TMPRSS7: variants seen among roughly 807,000 people sequenced by gnomAD.
TMPRSS7 encodes transmembrane serine protease 7.
In TMPRSS7, 81 loss-of-function variants were observed where a neutral mutation model predicts 95.6. The observed-to-expected ratio is 0.85, with a 90% CI of 0.71 to 1.02. TMPRSS7 has a LOEUF of 1.02. Ranked by LOEUF, TMPRSS7 falls within the 50% of genes least tolerant of loss-of-function variation. The probability of loss-of-function intolerance (pLI) is 0.00; values close to 1 mark genes in which losing one functional copy is unlikely to be tolerated. For synonymous variants in TMPRSS7, 364 were observed against 337.8 expected (o/e 1.08, Z -0.85); for missense variants, 945 against 955.2 (o/e 0.99, Z 0.14).
In TMPRSS7 at chr3:112,047,914, C is replaced by T. The variant is rs926039620; in HGVS notation, c.906C>T (p.Asp302=). The T allele has an allele frequency of 8.7e-6, 14 of 1,614,022 alleles. 1 individual carries two copies. The Admixed American group carries it at 1.7e-4, about 19-fold the overall frequency. The change falls in exon 7 of 18, where the codon GAC becomes GAT. Residue 302 remains aspartate, a synonymous_variant. Transcript: ENST00000452346. The stretch of plus-strand genomic sequence containing the variant: ...TCGAAGCCGACAACTGTGTCACTGA[C>T]TCCCTGACCATTTACGACTCCCTTT...
chr3:112,038,303 C>A, exon 2 of TMPRSS7: 1 of 702,438 alleles, frequency 1.4e-6, no homozygotes, highest in Non-Finnish European at 2.6e-6. Flanking sequence ...AGCCTGGACA[C>A]TTCTGTGGCT....
At chr3:112,045,719 G>A (rs1161890596) in intron 4 of TMPRSS7, 31 bp from the exon 5 acceptor site, 9 of 1,523,536 alleles carry the variant, frequency 5.9e-6, no homozygotes, top group Middle Eastern at 1.7e-4. Flanking sequence ...GTCCTATGAG[G>A]TCCCTGATGA....
Position 112,052,087 on chromosome 3 carries a change from G to T in TMPRSS7, c.1203+1304G>T, listed in dbSNP as rs571903683. On this transcript the variant is annotated intron_variant, in intron 9 of 17. Coordinates refer to ENST00000452346, the Ensembl canonical transcript of TMPRSS7. ...AGTAATAAACAAACAAGTTAAATACGCGTAATATGTCTCGTAATGATAAAA... is the reference window on the plus strand; with the variant it reads ...AGTAATAAACAAACAAGTTAAATACTCGTAATATGTCTCGTAATGATAAAA... 3.3e-5 allele frequency among the ~76,000 whole-genome samples: 5 copies of T among 151,956 alleles called. No homozygotes were observed. The East Asian group carries it at 5.8e-4, about 18-fold the overall frequency.
At chr3:112,037,948 T>C in intron 1 of TMPRSS7, 124 bp from the exon 2 acceptor site, 1 of 607,768 alleles carries the variant, frequency 1.6e-6, no homozygotes, top group Non-Finnish European at 2.9e-6. Flanking sequence ...TATACTTACA[T>C]AAATATGAAT....
chr3:112,047,128 T>A (rs1422182488), intron 6 of TMPRSS7, 116 bp downstream of exon 6: 3 of 665,044 alleles, frequency 4.5e-6, no homozygotes, highest in Non-Finnish European at 8.1e-6. Context: ...GTGACAGAAA[T>A]GCATTCAAAC....
intron 13 of TMPRSS7, among the ~76,000 whole-genome samples, chr3:112,071,331 G>T (rs1031341784): frequency 1.3e-5 from 2 of 152,188 alleles, no homozygotes. Flanking sequence ...AGTTTGATGG[G>T]CTTCCCTTTG....
intron 5 of TMPRSS7, among the ~76,000 whole-genome samples, chr3:112,046,321 A>G (rs1020749076): frequency 6.6e-6 from 1 of 152,176 alleles, no homozygotes; most frequent in African/African-American, 2.4e-5. Context: ...TTTACTGTGT[A>G]ATGTTGTCCA....
rs1157236508 is a variant in TMPRSS7, at chr3:112,078,665, T to C, written c.2225-77T>C. Reference sequence around the variant, plus strand: ...TGAGGGTAAAAGGAGATAATGTGTGTTAACTTTTCAAATGAAGTCCTGAAT... The same window carrying C: ...TGAGGGTAAAAGGAGATAATGTGTGCTAACTTTTCAAATGAAGTCCTGAAT... On this transcript the variant is annotated intron_variant, in intron 16 of 17. Transcript: ENST00000452346. 7.6e-6 allele frequency: 12 copies of C among 1,577,218 alleles called. No individual in the cohort carries two copies. The East Asian group carries it at 2.7e-4, about 35-fold the overall frequency.
chr3:112,052,751 A>G (rs940191853), intron 9 of TMPRSS7, among the ~76,000 whole-genome samples: 6 of 152,218 alleles, frequency 3.9e-5, no homozygotes, highest in Non-Finnish European at 8.8e-5. Context: ...CATTCTCAAA[A>G]GCTCTGTCGA....
intron 9 of TMPRSS7, among the ~76,000 whole-genome samples, chr3:112,052,857 C>G (rs1184110855): frequency 6.6e-6 from 1 of 150,460 alleles, no homozygotes; most frequent in East Asian, 1.9e-4. Context: ...GACTTTTAGT[C>G]AGGGTGTGAA....
At chr3:112,034,854 A>G (rs933368091) in exon 1 of TMPRSS7, 9 of 702,832 alleles carry the variant, frequency 1.3e-5, no homozygotes, top group African/African-American at 1.2e-4. Context: ...TAATGGACAA[A>G]GAAAACAGCG....
chr3:112,052,067 TAAAC>T (rs1403918496), intron 9 of TMPRSS7, among the ~76,000 whole-genome samples: 1 of 151,714 alleles, frequency 6.6e-6, no homozygotes, highest in African/African-American at 2.4e-5. Context: ...AGGCAAGTAA[TAAAC>T]AAACAAGTTA....
chr3:112,056,184 T>G (rs1016395721), intron 9 of TMPRSS7, among the ~76,000 whole-genome samples: 2 of 152,208 alleles, frequency 1.3e-5, no homozygotes, highest in Admixed American at 1.3e-4. Flanking sequence ...TACACGAGTT[T>G]CATATTATAG....
intron 1 of TMPRSS7, among the ~76,000 whole-genome samples, chr3:112,036,074 A>C (rs2073148078): frequency 1.3e-5 from 2 of 152,192 alleles, no homozygotes; most frequent in Non-Finnish European, 2.9e-5. Context: ...AAATTGCACA[A>C]ATTTGTACAA....
intron 12 of TMPRSS7, among the ~76,000 whole-genome samples, chr3:112,065,196 A>G (rs1301437513): frequency 1.3e-5 from 2 of 152,056 alleles, no homozygotes; most frequent in Non-Finnish European, 2.9e-5. Flanking sequence ...GCACACCACC[A>G]ATGCCACTAA....
At chr3:112,070,254 G>A (rs1235524900) in intron 13 of TMPRSS7, among the ~76,000 whole-genome samples, 1 of 152,202 alleles carries the variant, frequency 6.6e-6, no homozygotes, top group African/African-American at 2.4e-5. Context: ...TTCCAATTAT[G>A]TGGTCAATTT....
At chr3:112,044,231 G>C in intron 3 of TMPRSS7, 24 bp from the exon 4 acceptor site, 1 of 1,501,278 alleles carries the variant, frequency 6.7e-7, no homozygotes, top group Non-Finnish European at 9.1e-7. Context: ...AAATACTTCA[G>C]ATACCTCAAC....
intron 4 of TMPRSS7, among the ~76,000 whole-genome samples, chr3:112,045,391 G>C (rs1383483206): frequency 6.6e-6 from 1 of 152,132 alleles, no homozygotes; most frequent in African/African-American, 2.4e-5. Context: ...CAGGTGATCT[G>C]CCTGCCTTAG....
At chr3:112,035,863 C>T (rs147192432) in intron 1 of TMPRSS7, among the ~76,000 whole-genome samples, 1 of 152,168 alleles carries the variant, frequency 6.6e-6, no homozygotes, top group Non-Finnish European at 1.5e-5. Context: ...TACACTTAAA[C>T]CAACAATTTT....
Sources: gnomAD v4.1 joint callset for allele counts (sites outside exome capture counted in the v4.1 genomes callset) on GRCh38, gnomAD v4.1.1 for gene constraint, MANE v1.5 for transcripts, NCBI Gene and HGNC (gene_info 2026-07-23, HGNC 2026-07-21) for gene names.